The following STAM2 variants were observed in gnomAD, a reference collection of about 807,000 sequenced individuals.
STAM2 encodes signal transducing adapter molecule 2.
A neutral mutation model predicts 65.6 loss-of-function variants in STAM2; 51 were observed. That is an observed-to-expected ratio of 0.78 (90% CI 0.62 to 0.98). STAM2 has a LOEUF of 0.98. STAM2 is among the 50% of genes least tolerant of loss of function. STAM2 has a pLI of 0.00. For missense variants in STAM2, 584 were observed against 617.8 expected, an observed-to-expected ratio of 0.95 and a Z score of 0.58; for synonymous variants, 198 against 208.4, an observed-to-expected ratio of 0.95 and a Z score of 0.43.
At chr2:152,120,894 T>C (rs1688840863) in intron 13 of STAM2, 92 bp from the exon 14 acceptor site, 1 of 943,382 alleles carries the variant, frequency 1.1e-6, no homozygotes. Context: ...CTTTTCCATC[T>C]TCTTTTTAAG....
chr2:152,172,182 C>G (rs1324822658), intron 1 of STAM2, among the ~76,000 whole-genome samples: 1 of 152,010 alleles, frequency 6.6e-6, no homozygotes, highest in East Asian at 1.9e-4. Flanking sequence ...TCTTATTAAA[C>G]AAAACAAAAA....
intron 1 of STAM2, among the ~76,000 whole-genome samples, chr2:152,174,107 A>G (rs1301013902): frequency 6.6e-6 from 1 of 152,230 alleles, no homozygotes; most frequent in Non-Finnish European, 1.5e-5. Context: ...TTAGAACAGA[A>G]CAGACAGAGC....
intron 1 of STAM2, among the ~76,000 whole-genome samples, chr2:152,154,427 G>A (rs1689503769): frequency 6.6e-6 from 1 of 152,290 alleles, no homozygotes; most frequent in East Asian, 1.9e-4. Context: ...ACCAGCCTGG[G>A]CAACATGGTA....
At chr2:152,160,655 G>T (rs561652567) in intron 1 of STAM2, among the ~76,000 whole-genome samples, 1 of 149,612 alleles carries the variant, frequency 6.7e-6, no homozygotes, top group Non-Finnish European at 1.5e-5. Flanking sequence ...GGCGGTGGGG[G>T]TCAGCCCCCC....
At chr2:152,128,454 G>C (rs1268473593) in intron 11 of STAM2, among the ~76,000 whole-genome samples, 1 of 150,862 alleles carries the variant, frequency 6.6e-6, no homozygotes, top group East Asian at 1.9e-4. Flanking sequence ...CACCCAGAAA[G>C]CTACAGAAAT....
At chr2:152,130,853 C>T (rs1056159572) in intron 11 of STAM2, among the ~76,000 whole-genome samples, 5 of 151,016 alleles carry the variant, frequency 3.3e-5, no homozygotes, top group African/African-American at 1.2e-4. Context: ...AAAAATTAGC[C>T]GGGCATGGTG....
Position 152,131,872 on chromosome 2 carries a change from T to C in STAM2, c.1025+242A>G, listed in dbSNP as rs185686464. The C allele has an allele frequency of 5.4e-4, 261 of 480,970 alleles. 1 individual carries two copies. The East Asian group carries it at 8.3e-3, about 15-fold the overall frequency. 29.8% of individuals were successfully genotyped at this position (480,970 alleles called of 1,614,324 possible). A position where few individuals can be genotyped will look rare whatever the true frequency, so the allele number is the denominator to read the frequency against. On this transcript the variant is annotated intron_variant, in intron 11 of 13. Transcript: ENST00000263904. ...TCACTAGAAGCATGCTAGAACAGACTGGTTAAAAGTAAGCCATGCAAAATT... is the reference window on the plus strand; with the variant it reads ...TCACTAGAAGCATGCTAGAACAGACCGGTTAAAAGTAAGCCATGCAAAATT...
intron 1 of STAM2, among the ~76,000 whole-genome samples, chr2:152,158,591 T>C: frequency 6.6e-6 from 1 of 152,324 alleles, no homozygotes; most frequent in Non-Finnish European, 1.5e-5. Context: ...GATTAAGATA[T>C]TACATATTAA....
At chr2:152,159,289 G>A (rs1178053009) in intron 1 of STAM2, among the ~76,000 whole-genome samples, 1 of 150,704 alleles carries the variant, frequency 6.6e-6, no homozygotes, top group Non-Finnish European at 1.5e-5. Flanking sequence ...CACACCCTGG[G>A]TGACAGGGTG....
At chr2:152,157,589 T>G (rs1689577214) in intron 1 of STAM2, among the ~76,000 whole-genome samples, 1 of 152,194 alleles carries the variant, frequency 6.6e-6, no homozygotes, top group Admixed American at 6.5e-5. Context: ...AGACAGCACC[T>G]CTGCTGGCAC....
intron 1 of STAM2, among the ~76,000 whole-genome samples, chr2:152,157,524 T>C (rs1224760984): frequency 1.3e-5 from 2 of 152,088 alleles, no homozygotes; most frequent in African/African-American, 2.4e-5. Context: ...GGAAAAGCCA[T>C]ATGAGGGCAC....
chr2:152,140,178 A>C (rs1689219413), intron 7 of STAM2, among the ~76,000 whole-genome samples: 1 of 152,196 alleles, frequency 6.6e-6, no homozygotes, highest in Non-Finnish European at 1.5e-5. Context: ...AAAAGCAGAG[A>C]AAGGTTGAAA....
chr2:152,142,263 TA>T (rs1689262376), intron 7 of STAM2, among the ~76,000 whole-genome samples: 1 of 152,248 alleles, frequency 6.6e-6, no homozygotes, highest in African/African-American at 2.4e-5. Flanking sequence ...TGATAAATCT[TA>T]ACTGAAAATT....
Position 152,133,188 on chromosome 2 carries a change from G to C in STAM2, c.955C>G (p.Leu319Val). 1 of 1,575,766 alleles carries C rather than the reference G, an allele frequency of 6.3e-7. No individual in the cohort carries two copies. The highest frequency in any genetic ancestry group is 8.6e-7 in the Non-Finnish European group (1 of 1,161,640). ...PTDSKPDSQD[L>V]LDLEDICQQM... is the part of the protein sequence containing the mutation. Reference sequence around the variant, plus strand: ...CACTAAGTACCTTCTAAATCCAAAAGGTCTTGGGAGTCTGGTTTTGAATCT... The same window carrying C: ...CACTAAGTACCTTCTAAATCCAAAACGTCTTGGGAGTCTGGTTTTGAATCT... The change falls in exon 10 of 14, where the codon CTT (leucine) becomes GTT (valine). Residue 319 changes from leucine to valine, a missense_variant. Coordinates refer to ENST00000263904, the MANE Select transcript of STAM2 (RefSeq NM_005843.6).
chr2:152,148,407 T>C (rs1343951809), intron 2 of STAM2, 107 bp from the exon 3 acceptor site: 7 of 907,512 alleles, frequency 7.7e-6, no homozygotes, highest in Non-Finnish European at 1.1e-5. Flanking sequence ...TAATGGCTCA[T>C]GCCTGTAATT....
At chr2:152,155,109 C>A (rs919678646) in intron 1 of STAM2, among the ~76,000 whole-genome samples, 3 of 152,156 alleles carry the variant, frequency 2.0e-5, no homozygotes, top group Admixed American at 2.0e-4. Context: ...ATGAATGTAA[C>A]CATCATGGCA....
chr2:152,167,815 T>C (rs1300493504), intron 1 of STAM2, among the ~76,000 whole-genome samples: 4 of 151,800 alleles, frequency 2.6e-5, no homozygotes, highest in Non-Finnish European at 4.4e-5. Flanking sequence ...GAGGCTGAGG[T>C]AGGAGAATTG....
intron 4 of STAM2, 66 bp downstream of exon 4, chr2:152,147,958 T>A: frequency 8.7e-7 from 1 of 1,155,766 alleles, no homozygotes; most frequent in East Asian, 2.4e-5. Flanking sequence ...ATGCCACATA[T>A]AGTTATAATG....
chr2:152,175,499 C>CT (rs1448837058), intron 1 of STAM2, 104 bp downstream of exon 1: 2 of 1,482,424 alleles, frequency 1.3e-6, no homozygotes, highest in African/African-American at 2.8e-5. Context: ...CCTCCCTTCG[C>CT]TTTGCTTCCT....
Sources: allele counts gnomAD v4.1 joint callset (sites outside exome capture counted in the v4.1 genomes callset), GRCh38; gene constraint gnomAD v4.1.1; transcripts MANE v1.5; gene names NCBI Gene and HGNC (gene_info 2026-07-23, HGNC 2026-07-21).